ZNF438: variants seen among roughly 807,000 people sequenced by gnomAD.
ZNF438 encodes zinc finger protein 438.
A neutral mutation model predicts 38.0 loss-of-function variants in ZNF438; 25 were observed. That is an observed-to-expected ratio of 0.66 (90% CI 0.48 to 0.92). The LOEUF (loss-of-function observed/expected upper bound fraction) is 0.92. Ranked by LOEUF, ZNF438 falls within the 40% of genes least tolerant of loss-of-function variation. ZNF438 has a pLI of 0.00. For missense variants in ZNF438, 1,007 were observed against 999.6 expected (o/e 1.01, Z -0.10); for synonymous variants, 372 against 364.1 (o/e 1.02, Z -0.25).
chr10:30,903,361 G>C (rs2042255350), intron 3 of ZNF438, among the ~76,000 whole-genome samples: 1 of 152,166 alleles, frequency 6.6e-6, no homozygotes, highest in African/African-American at 2.4e-5. Flanking sequence ...TCAGCTTTTA[G>C]AAGTTATAAG....
intron 5 of ZNF438, among the ~76,000 whole-genome samples, chr10:30,847,426 C>T (rs1051605259): frequency 6.6e-6 from 1 of 152,210 alleles, no homozygotes; most frequent in African/African-American, 2.4e-5. Context: ...CTGCCCCCTG[C>T]AGTTCAACTC....
At chr10:30,887,039 CCT>C (rs2040042418) in intron 3 of ZNF438, among the ~76,000 whole-genome samples, 1 of 152,172 alleles carries the variant, frequency 6.6e-6, no homozygotes, top group African/African-American at 2.4e-5. Context: ...AAATGACTCC[CCT>C]GTGAGCGTGT....
rs1260736473 is a variant in ZNF438 at position 30,872,576 on chromosome 10, C to A, written c.37+4422G>T. Reference sequence around the variant, plus strand: ...CCAACCTGGCTAACATGGTGAAACCCCGTCTTGACTAAAAATACAAAAAAT... The same window carrying A: ...CCAACCTGGCTAACATGGTGAAACCACGTCTTGACTAAAAATACAAAAAAT... On this transcript the variant is annotated intron_variant, in intron 4 of 5. Transcript: ENST00000413025. 2.0e-5 allele frequency among the ~76,000 whole-genome samples: 3 copies of A among 151,164 alleles called. No homozygotes were observed. The East Asian group carries it at 5.8e-4, about 29-fold the overall frequency.
At chr10:30,942,281 G>C (rs1424244400) in intron 1 of ZNF438, among the ~76,000 whole-genome samples, 1 of 152,268 alleles carries the variant, frequency 6.6e-6, no homozygotes. Flanking sequence ...AGTACATGGG[G>C]CTTTATTTTA....
chr10:30,996,238 A>G (rs956480018), intron 1 of ZNF438, among the ~76,000 whole-genome samples: 1 of 152,166 alleles, frequency 6.6e-6, no homozygotes, highest in Non-Finnish European at 1.5e-5. Flanking sequence ...GCAGACAAAA[A>G]TCCAACTATA....
intron 3 of ZNF438, among the ~76,000 whole-genome samples, chr10:30,901,884 TC>T (rs1197776221): frequency 6.6e-6 from 1 of 152,150 alleles, no homozygotes; most frequent in Non-Finnish European, 1.5e-5. Context: ...GGGTTCATGA[TC>T]TTGCTGGCTC....
chr10:30,896,963 T>C (rs975874649), intron 3 of ZNF438, among the ~76,000 whole-genome samples: 1 of 152,196 alleles, frequency 6.6e-6, no homozygotes, highest in African/African-American at 2.4e-5. Context: ...GGCAAGTCTT[T>C]TAACTTTTAC....
chr10:30,970,105 T>TACACACACAC (rs55745286), intron 1 of ZNF438, among the ~76,000 whole-genome samples: 2 of 145,118 alleles, frequency 1.4e-5, no homozygotes, highest in Admixed American at 6.9e-5. Flanking sequence ...TGCTGGCTGA[T>TACACACACAC]ACACACACAC....
intron 3 of ZNF438, among the ~76,000 whole-genome samples, chr10:30,907,977 C>T (rs1412278903): frequency 2.6e-5 from 4 of 151,988 alleles, no homozygotes; most frequent in Non-Finnish European, 4.4e-5. Flanking sequence ...ATAAATTTCT[C>T]TCTAAACACT....
intron 4 of ZNF438, among the ~76,000 whole-genome samples, chr10:30,859,091 T>C (rs2035159181): frequency 6.6e-6 from 1 of 152,160 alleles, no homozygotes; most frequent in South Asian, 2.1e-4. Context: ...TTGTATCTGT[T>C]TGTTTTTGAG....
chr10:30,897,753 C>T (rs536559836), intron 3 of ZNF438, among the ~76,000 whole-genome samples: 75 of 152,312 alleles, frequency 4.9e-4, no homozygotes, highest in African/African-American at 1.7e-3. Context: ...ACTCACAACA[C>T]TGACAGTGAG....
intron 1 of ZNF438, among the ~76,000 whole-genome samples, chr10:30,995,380 G>C (rs1454120975): frequency 6.6e-6 from 1 of 152,188 alleles, no homozygotes; most frequent in African/African-American, 2.4e-5. Context: ...GTAAAATACT[G>C]TGAATTATGA....
intron 2 of ZNF438, chr10:30,910,344 T>A (rs1371756855): frequency 1.3e-5 from 2 of 152,154 alleles, no homozygotes; most frequent in Non-Finnish European, 2.9e-5. Context: ...AGTACTATGT[T>A]TCAGCAAATG....
rs2049192596 is a variant in ZNF438 at position 30,959,220 on chromosome 10, T to C, written c.-191-17569A>G. Among the ~76,000 whole-genome samples the C allele has an allele frequency of 1.4e-5, 2 of 146,906 alleles. 1 individual carries two copies. Among genetic ancestry groups the C allele is most frequent in the Admixed American group, 1.4e-4 (2 of 14,576 alleles). On this transcript the variant is annotated intron_variant, in intron 1 of 5. Transcript: ENST00000413025. The stretch of plus-strand genomic sequence containing the variant: ...GAGTAATTTTGGACAAGATCTGCAT[T>C]TAGACTGTTAGACTTTGAGTAGAGC...
intron 1 of ZNF438, among the ~76,000 whole-genome samples, chr10:30,994,882 A>G (rs1431048843): frequency 6.6e-6 from 1 of 151,822 alleles, no homozygotes; most frequent in Non-Finnish European, 1.5e-5. Flanking sequence ...AATATTAAAA[A>G]TTAACCAGGC....
At chr10:30,963,469 G>A (rs2049762400) in intron 1 of ZNF438, among the ~76,000 whole-genome samples, 2 of 151,008 alleles carry the variant, frequency 1.3e-5, no homozygotes, top group Admixed American at 1.3e-4. Flanking sequence ...TATCTATAGT[G>A]ACAAATATCG....
chr10:30,945,564 C>T (rs1205386691), intron 1 of ZNF438, among the ~76,000 whole-genome samples: 1 of 150,662 alleles, frequency 6.6e-6, no homozygotes, highest in Non-Finnish European at 1.5e-5. Context: ...ACCCCCACCA[C>T]ACAACAGTCC....
At position 30,849,164 on chromosome 10, in the gene ZNF438, CT is replaced by C; in HGVS notation, c.1240del (p.Arg414GlufsTer2). ...GAATTCTTGGGGATCATTTTTTACTCTTTCTTTACCATCTCTACACTTATTA... is the reference window on the plus strand; with the variant it reads ...GAATTCTTGGGGATCATTTTTTACTCTTCTTTACCATCTCTACACTTATTA... On this transcript the variant is annotated frameshift_variant, in exon 5 of 6. Transcript: ENST00000413025. LOFTEE classifies it high-confidence loss of function. 2 of 1,613,884 alleles carry C rather than the reference CT, an allele frequency of 1.2e-6. No homozygotes were observed. Among genetic ancestry groups the C allele is most frequent in the Non-Finnish European group, 1.7e-6 (2 of 1,180,026 alleles).
chr10:31,024,454 G>A (rs904974292), intron 1 of ZNF438, among the ~76,000 whole-genome samples: 19 of 152,138 alleles, frequency 1.2e-4, no homozygotes, highest in African/African-American at 4.6e-4. Context: ...GTGAAAACCC[G>A]CCTCTACTAA....
Sources: allele counts gnomAD v4.1 joint callset (sites outside exome capture counted in the v4.1 genomes callset), GRCh38; gene constraint gnomAD v4.1.1; transcripts MANE v1.5; gene names NCBI Gene and HGNC (gene_info 2026-07-23, HGNC 2026-07-21).